Variants in REPS2 observed in about 807,000 individuals in gnomAD.
The protein encoded by REPS2 is RALBP1 associated Eps domain containing 2.
REPS2 carries 23 observed loss-of-function variants against 53.6 expected under a neutral mutation model. The ratio of observed to expected loss-of-function variants is 0.43; its 90% CI spans 0.31 to 0.61. The LOEUF (loss-of-function observed/expected upper bound fraction) is 0.61, where lower values mean the gene tolerates loss of function less well. Ranked by LOEUF, REPS2 falls within the 20% of genes least tolerant of loss-of-function variation. REPS2 has a pLI of 0.11. For missense variants in REPS2, 446 were observed against 534.9 expected, an observed-to-expected ratio of 0.83 and a Z score of 1.64; for synonymous variants, 238 against 218.6, an observed-to-expected ratio of 1.09 and a Z score of -0.78.
chrX:16,947,099 C>G lies in REPS2; in HGVS notation c.238C>G (p.Arg80Gly). The change falls in exon 1 of 18, where the codon CGG becomes GGG. Residue 80 changes from arginine (R) to glycine (G), a missense_variant. Transcript: ENST00000357277. ...AAAGPVADLFRASQLPAETLH... is the reference protein window; with the variant it reads ...AAAGPVADLFGASQLPAETLH... ...CGCCGGCCCCGTGGCTGACCTGTTT[C>G]GGGCATCGCAGCTGCCCGCCGAGAC... 1 of 1,100,432 alleles carries G rather than the reference C, an allele frequency of 9.1e-7. No individual in the cohort carries two copies. The highest frequency in any genetic ancestry group is 1.2e-6 in the Non-Finnish European group (1 of 846,667). 90.7% of individuals were successfully genotyped at this position (1,100,432 alleles called of 1,213,427 possible).
intron 1 of REPS2, among the ~76,000 whole-genome samples, chrX:16,977,066 G>C (rs919494327): frequency 8.9e-6 from 1 of 111,776 alleles, no homozygotes; most frequent in Non-Finnish European, 1.9e-5. Flanking sequence ...CATTTGCAGC[G>C]TTTCTCTGGA....
At chrX:17,022,030 C>T (rs1036741329) in intron 2 of REPS2, 93 bp from the exon 3 acceptor site, 2 of 828,899 alleles carry the variant, frequency 2.4e-6, no homozygotes, top group Admixed American at 6.1e-5. Flanking sequence ...AATTTTTCCT[C>T]AAAAATGATT....
chrX:17,136,670 A>C (rs1282899726), intron 16 of REPS2: 1 of 112,271 alleles, frequency 8.9e-6, no homozygotes, highest in Non-Finnish European at 1.9e-5. Context: ...CATACAGTTC[A>C]TGTTTTTAAA....
chrX:17,072,664 T>C (rs890563760), intron 11 of REPS2, among the ~76,000 whole-genome samples: 2 of 112,404 alleles, frequency 1.8e-5, no homozygotes, highest in Non-Finnish European at 3.8e-5. Context: ...CAGTGGGGCC[T>C]GAGGGAGAAG....
Position 17,104,304 on chromosome X carries a change from G to T in REPS2, c.1578+525G>T, listed in dbSNP as rs144818807. Among the ~76,000 whole-genome samples the T allele has an allele frequency of 4.7e-3, 524 of 111,978 alleles. 4 individuals carry two copies. Among genetic ancestry groups the T allele is most frequent in the African/African-American group, 0.015 (476 of 30,823 alleles). ...CAGGAGGGGGAGAACATGTCACCAA[G>T]ATCTGTTTCACCCCTAAATTAATTC... On this transcript the variant is annotated intron_variant, in intron 14 of 17. Transcript: ENST00000357277.
intron 4 of REPS2, among the ~76,000 whole-genome samples, chrX:17,027,604 A>G (rs1423701190): frequency 9.2e-6 from 1 of 109,132 alleles, no homozygotes; most frequent in Non-Finnish European, 1.9e-5. Flanking sequence ...GTTGTATATG[A>G]AACTGCCAAA....
intron 13 of REPS2, among the ~76,000 whole-genome samples, chrX:17,100,939 T>C (rs191460429): frequency 8.5e-4 from 95 of 111,528 alleles, no homozygotes; most frequent in African/African-American, 3.0e-3. Context: ...TGATATCCTG[T>C]CAAGTATAAT....
At chrX:16,977,828 A>G (rs1368177455) in intron 1 of REPS2, among the ~76,000 whole-genome samples, 2 of 110,766 alleles carry the variant, frequency 1.8e-5, no homozygotes, top group Non-Finnish European at 3.8e-5. Context: ...CCATTTTCAT[A>G]GTTTTGTCAG....
At chrX:16,957,389 G>A (rs1005680249) in intron 1 of REPS2, among the ~76,000 whole-genome samples, 1 of 103,183 alleles carries the variant, frequency 9.7e-6, no homozygotes, top group Non-Finnish European at 2.0e-5. Context: ...CAGCCTAGGC[G>A]ACAGAGGCGA....
chrX:17,080,989 G>A (rs1165174164), intron 13 of REPS2, among the ~76,000 whole-genome samples: 2 of 110,772 alleles, frequency 1.8e-5, no homozygotes, highest in Non-Finnish European at 3.8e-5. Context: ...CTCCAGCCCC[G>A]CCCCCCATAT....
intron 1 of REPS2, among the ~76,000 whole-genome samples, chrX:16,969,224 C>T (rs778394226): frequency 1.0e-4 from 11 of 109,555 alleles, no homozygotes; most frequent in East Asian, 5.9e-4. Context: ...CAGGCAGAGA[C>T]GCTCCTCACT....
chrX:17,029,148 A>G (rs1163823577), intron 4 of REPS2, among the ~76,000 whole-genome samples: 2 of 111,810 alleles, frequency 1.8e-5, no homozygotes, highest in East Asian at 2.8e-4. Context: ...GAAGTGGATG[A>G]TCAATGGAAG....
At chrX:16,949,582 AT>A (rs1317621318) in intron 1 of REPS2, among the ~76,000 whole-genome samples, 3 of 111,244 alleles carry the variant, frequency 2.7e-5, no homozygotes, top group African/African-American at 9.8e-5. Flanking sequence ...TAATTTTTGC[AT>A]TTTTAGTAGA....
rs1236049031 is a variant in REPS2, at chrX:17,152,643, TC to T, written c.*5163del. 6 of 112,611 alleles carry T rather than the reference TC, an allele frequency of 5.3e-5. No individual in the cohort carries two copies. The highest frequency in any genetic ancestry group is 9.4e-5 in the Non-Finnish European group (5 of 53,279). 9.3% of individuals were successfully genotyped at this position (112,611 alleles called of 1,213,427 possible). A position where few individuals can be genotyped will look rare whatever the true frequency, so the allele number is the denominator to read the frequency against. ...AGATCCTAAAGCTCTTTCAGGGAGC[TC>T]TTCTCTGGGGCTGGAACAGTTGATT... On this transcript the variant is annotated 3_prime_UTR_variant, in exon 18 of 18. Transcript: ENST00000357277.
rs2062173353 is a variant in REPS2 at position 17,062,590 on chromosome X, C to A, written c.1209+58C>A. 4 of 840,443 alleles carry A rather than the reference C, an allele frequency of 4.8e-6. No homozygotes were observed. In the East Asian group the frequency reaches 1.4e-4, roughly 30 times the overall value. The allele number at this position is 840,443 out of a possible 1,213,427, so 69.3% of individuals were successfully genotyped here. A position where few individuals can be genotyped will look rare whatever the true frequency, so the allele number is the denominator to read the frequency against. Reference sequence around the variant, plus strand: ...TGTGTATGGAGCTAAATCCATTGGCCTATGTTCTTTACAAATTCTGGAAAA... The same window carrying A: ...TGTGTATGGAGCTAAATCCATTGGCATATGTTCTTTACAAATTCTGGAAAA... On this transcript the variant is annotated intron_variant, in intron 9 of 17. Transcript: ENST00000357277.
intron 2 of REPS2, among the ~76,000 whole-genome samples, chrX:17,013,732 A>T (rs767229994): frequency 2.8e-5 from 3 of 109,001 alleles, no homozygotes; most frequent in Non-Finnish European, 5.7e-5. Context: ...GCTAAGGTCA[A>T]CTCATCCTTT....
At chrX:17,054,709 C>A in intron 7 of REPS2, 99 bp from the exon 8 acceptor site, 1 of 905,364 alleles carries the variant, frequency 1.1e-6, no homozygotes, top group Non-Finnish European at 1.5e-6. Context: ...TCTGGTAGGG[C>A]CATCACCACA....
Position 17,070,003 on chromosome X carries a change from A to G in REPS2, c.1333+10A>G. ...GTGTCTGAGGATCCAGGTAGGAGAA[A>G]ACCATTTTTGTATACTTTATATATA... On this transcript the variant is annotated intron_variant, in intron 11 of 17. Coordinates refer to ENST00000357277, the MANE Select transcript of REPS2 (RefSeq NM_004726.3). 2 of 1,038,865 alleles carry G rather than the reference A, an allele frequency of 1.9e-6. No individual in the cohort carries two copies. Among genetic ancestry groups the G allele is most frequent in the Non-Finnish European group, 2.6e-6 (2 of 774,664 alleles). 85.6% of individuals were successfully genotyped at this position (1,038,865 alleles called of 1,213,427 possible).
intron 15 of REPS2, 131 bp from the exon 16 acceptor site, chrX:17,135,130 A>G: frequency 1.7e-6 from 1 of 603,144 alleles, no homozygotes; most frequent in Non-Finnish European, 2.6e-6. Context: ...TTGCTGAGCC[A>G]TGGGTCAGTA....
Sources: allele counts gnomAD v4.1 joint callset (sites outside exome capture counted in the v4.1 genomes callset), GRCh38; gene constraint gnomAD v4.1.1; transcripts MANE v1.5; gene names NCBI Gene and HGNC (gene_info 2026-07-23, HGNC 2026-07-21).